PEAK1: variants seen among roughly 807,000 people sequenced by gnomAD.
PEAK1 encodes inactive tyrosine-protein kinase PEAK1.
PEAK1 carries 54 observed loss-of-function variants against 124.7 expected under a neutral mutation model. The ratio of observed to expected loss-of-function variants is 0.43; its 90% CI spans 0.35 to 0.54. The LOEUF (loss-of-function observed/expected upper bound fraction) is 0.54. PEAK1 is among the 20% of genes least tolerant of loss of function. PEAK1 has a pLI of 0.01. For missense variants in PEAK1, 2,046 were observed against 2,134.5 expected (o/e 0.96, Z 0.82); for synonymous variants, 719 against 760.0 (o/e 0.95, Z 0.89).
At chr15:77,141,622 C>T (rs1231485089) in intron 8 of PEAK1, among the ~76,000 whole-genome samples, 1 of 152,094 alleles carries the variant, frequency 6.6e-6, no homozygotes, top group Admixed American at 6.5e-5. Context: ...TTTCCAACTC[C>T]AACTTATTAC....
At chr15:77,151,266 A>G (rs1054193734) in intron 8 of PEAK1, among the ~76,000 whole-genome samples, 1 of 151,640 alleles carries the variant, frequency 6.6e-6, no homozygotes, top group Non-Finnish European at 1.5e-5. Context: ...ATGGCCAGTG[A>G]TGATGAGCAT....
chr15:77,102,102 T>A (rs1167693010), exon 7 of PEAK1: 1 of 152,208 alleles, frequency 6.6e-6, no homozygotes, highest in African/African-American at 2.4e-5. Flanking sequence ...ACCTTCCACA[T>A]TTTCTACTGT....
Position 77,180,707 on chromosome 15 carries a change from A to G in PEAK1, c.1220T>C (p.Ile407Thr). 3 of 1,613,944 alleles carry G rather than the reference A, an allele frequency of 1.9e-6. No homozygotes were observed. In the South Asian group the frequency reaches 3.3e-5, roughly 18 times the overall value. The change falls in exon 7 of 10, where the codon ATA (isoleucine) becomes ACA (threonine). Residue 407 changes from isoleucine (I) to threonine (T), a missense_variant. Physicochemically the swap from Ile to Thr is moderately conservative, Grantham distance 89 (BLOSUM62 -1). Coordinates refer to ENST00000682557, the MANE Select transcript of PEAK1 (RefSeq NM_001385026.1). ...KDSSQASKSSIKVPETHKAVL... is the reference protein window; with the variant it reads ...KDSSQASKSSTKVPETHKAVL... ...TGCTTTGTGGGTCTCTGGAACTTTT[A>G]TTGAGCTTTTGGAAGCCTGTGATGA...
At chr15:77,279,104 C>CGTGTGTGTGTGT (rs34561338) in intron 5 of PEAK1, among the ~76,000 whole-genome samples, 2 of 115,014 alleles carry the variant, frequency 1.7e-5, no homozygotes, top group Non-Finnish European at 4.1e-5. Context: ...CTCGTGTGTG[C>CGTGTGTGTGTGT]GTGTGTGTGT....
At chr15:77,417,307 A>T (rs1353593182) in intron 1 of PEAK1, 1 of 965,144 alleles carries the variant, frequency 1.0e-6, no homozygotes, top group Non-Finnish European at 1.2e-6. Flanking sequence ...AACATTTGTC[A>T]AACAAATGTA....
At chr15:77,311,163 C>T (rs755119546) in intron 2 of PEAK1, among the ~76,000 whole-genome samples, 5 of 152,166 alleles carry the variant, frequency 3.3e-5, no homozygotes, top group South Asian at 2.1e-4. Flanking sequence ...GTAATGAAGA[C>T]GGAAGTAGAT....
At chr15:77,318,727 C>A (rs985848179) in intron 2 of PEAK1, among the ~76,000 whole-genome samples, 4 of 151,814 alleles carry the variant, frequency 2.6e-5, no homozygotes, top group Admixed American at 6.6e-5. Context: ...TATTCTAATT[C>A]TCCTTTATGA....
intron 5 of PEAK1, among the ~76,000 whole-genome samples, chr15:77,275,677 C>T (rs1380819244): frequency 6.6e-6 from 1 of 151,514 alleles, no homozygotes; most frequent in Non-Finnish European, 1.5e-5. Flanking sequence ...GATTGCAGTG[C>T]AGCCTGGGCG....
Position 77,282,256 on chromosome 15 carries a change from T to C in PEAK1, c.-275+1627A>G, listed in dbSNP as rs115643497. On this transcript the variant is annotated intron_variant, in intron 5 of 9. Coordinates refer to ENST00000682557, the MANE Select transcript of PEAK1 (RefSeq NM_001385026.1). ...CATCAAAGAGTTCCTCGAATTTCCA[T>C]ACATCTAAGAACTTATCTCATTTTT... Among the ~76,000 whole-genome samples, 1,208 of 152,014 alleles carry C rather than the reference T, an allele frequency of 7.9e-3. 20 individuals are homozygous for C. Among genetic ancestry groups the C allele is most frequent in the African/African-American group, 0.027 (1,122 of 41,540 alleles).
exon 7 of PEAK1, chr15:77,101,174 G>C (rs2050690776): frequency 2.0e-5 from 3 of 152,274 alleles, no homozygotes; most frequent in Admixed American, 2.0e-4. Flanking sequence ...GTTGTGTAGG[G>C]AGGAAGGCAG....
intron 6 of PEAK1, among the ~76,000 whole-genome samples, chr15:77,203,289 C>G (rs1315702345): frequency 6.6e-6 from 1 of 151,972 alleles, no homozygotes; most frequent in Non-Finnish European, 1.5e-5. Context: ...TGGACCCACG[C>G]CGTTCAAACT....
At chr15:77,210,741 A>G (rs2058866187) in intron 6 of PEAK1, among the ~76,000 whole-genome samples, 1 of 152,098 alleles carries the variant, frequency 6.6e-6, no homozygotes, top group African/African-American at 2.4e-5. Flanking sequence ...TCAGCCAGGT[A>G]TGGTGACAGG....
intron 2 of PEAK1, among the ~76,000 whole-genome samples, chr15:77,310,057 T>A (rs756933483): frequency 6.6e-6 from 1 of 152,124 alleles, no homozygotes; most frequent in African/African-American, 2.4e-5. Flanking sequence ...AGGTTTCAGC[T>A]CACTACATGG....
intron 6 of PEAK1, among the ~76,000 whole-genome samples, chr15:77,225,550 G>C (rs2059591941): frequency 6.7e-6 from 1 of 150,244 alleles, no homozygotes; most frequent in Non-Finnish European, 1.5e-5. Context: ...CTTAAAAATA[G>C]TTGTGACATG....
intron 6 of PEAK1, among the ~76,000 whole-genome samples, chr15:77,228,158 C>G (rs1303211971): frequency 6.6e-6 from 1 of 151,742 alleles, no homozygotes; most frequent in East Asian, 1.9e-4. Flanking sequence ...GGTACATGTG[C>G]ACAACGTGCA....
intron 6 of PEAK1, among the ~76,000 whole-genome samples, chr15:77,239,134 G>A (rs1213454719): frequency 1.3e-5 from 2 of 152,154 alleles, no homozygotes. Context: ...ATCTTGTACT[G>A]AAGTTTCAAA....
Position 77,148,683 on chromosome 15 carries a change from A to G in PEAK1, c.3331+9820T>C, listed in dbSNP as rs139906144. Among the ~76,000 whole-genome samples the G allele has an allele frequency of 1.4e-4, 21 of 152,234 alleles. No individual in the cohort carries two copies. The Middle Eastern group carries it at 0.014, about 99-fold the overall frequency. ...TGTAATCCCAGTGCTTTGGGAGGCC[A>G]AGGTTGGAGGACTGCTTGAGGCCAG... On this transcript the variant is annotated intron_variant, in intron 8 of 9. Coordinates refer to ENST00000682557, the MANE Select transcript of PEAK1 (RefSeq NM_001385026.1).
Position 77,114,335 on chromosome 15 carries a change from T to C in PEAK1, c.5062A>G (p.Asn1688Asp). The C allele has an allele frequency of 6.2e-7, 1 of 1,614,184 alleles. No individual in the cohort carries two copies. The highest frequency in any genetic ancestry group is 8.5e-7 in the Non-Finnish European group (1 of 1,180,026). Residue 1688 changes from asparagine (N) to aspartate (D), a missense_variant, in exon 10 of 10, where the codon AAC becomes GAC. Transcript: ENST00000682557. ...FTACPSLVQR[N>D]TLLQNWLDIK... ...TCTAGCCAGTTTTGGAGCAGGGTGT[T>C]CCTCTGTACTAGGCTAGGGCAGGCG... is the stretch of plus-strand genomic sequence containing the variant.
intron 1 of PEAK1, among the ~76,000 whole-genome samples, chr15:77,407,834 T>C (rs980012077): frequency 1.1e-4 from 16 of 151,506 alleles, no homozygotes; most frequent in African/African-American, 3.2e-4. Flanking sequence ...CAATTCGCAA[T>C]TGCAAAAAAA....
Sources: gnomAD v4.1 joint callset for allele counts (sites outside exome capture counted in the v4.1 genomes callset) on GRCh38, gnomAD v4.1.1 for gene constraint, MANE v1.5 for transcripts, NCBI Gene and HGNC (gene_info 2026-07-23, HGNC 2026-07-21) for gene names.